RNF40: variants seen among roughly 807,000 people sequenced by gnomAD.
The protein encoded by RNF40 is E3 ubiquitin-protein ligase BRE1B.
In RNF40, 39 loss-of-function variants were observed where a neutral mutation model predicts 123.3. The ratio of observed to expected loss-of-function variants is 0.32; its 90% CI spans 0.24 to 0.41. RNF40 has a LOEUF of 0.41. Among genes scored for constraint, RNF40 ranks in the 10% least tolerant of loss-of-function variants. The pLI, the probability that RNF40 is intolerant of heterozygous loss-of-function variation, is 1.00. For synonymous variants in RNF40, 538 were observed against 526.0 expected (o/e 1.02, Z -0.31); for missense variants, 1,003 against 1,319.9 (o/e 0.76, Z 3.72).
At chr16:30,763,725 C>T (rs562536675) in intron 4 of RNF40, among the ~76,000 whole-genome samples, 166 bp downstream of exon 4, 1 of 152,360 alleles carries the variant, frequency 6.6e-6, no homozygotes, top group African/African-American at 2.4e-5. Context: ...AGGCTTTAGA[C>T]TCTGACTAAC....
At chr16:30,773,891 G>A (rs755015220) in intron 19 of RNF40, 47 bp from the exon 20 acceptor site, 3 of 1,573,796 alleles carry the variant, frequency 1.9e-6, no homozygotes, top group Admixed American at 3.5e-5. Context: ...CTTGGGGTCT[G>A]GGCACTGTCA....
At chr16:30,761,875 A>T, upstream of RNF40, 1 of 973,544 alleles carries the variant, frequency 1.0e-6, no homozygotes, top group South Asian at 1.8e-5. Flanking sequence ...CTACGCGCGG[A>T]GAGGCGCGGC....
chr16:30,773,095 G>A (rs1028440133), intron 19 of RNF40, among the ~76,000 whole-genome samples: 5 of 152,194 alleles, frequency 3.3e-5, no homozygotes, highest in African/African-American at 4.8e-5. Flanking sequence ...CTGAGAAGGT[G>A]CCTGTGGGAC....
At chr16:30,770,484 A>T (rs375615639) in intron 17 of RNF40, among the ~76,000 whole-genome samples, 1 of 152,150 alleles carries the variant, frequency 6.6e-6, no homozygotes, top group East Asian at 1.9e-4. Flanking sequence ...CTCAAGAGGG[A>T]GTGGCCCTAA....
intron 2 of RNF40, 128 bp from the exon 3 acceptor site, chr16:30,762,990 T>C (rs2053912306): frequency 9.5e-7 from 1 of 1,051,262 alleles, no homozygotes; most frequent in East Asian, 2.6e-5. Context: ...TTAGATTCTG[T>C]TAGCGGTTAG....
At position 30,766,950 on chromosome 16, in the gene RNF40, T is replaced by C; in HGVS notation, c.1429+74T>C. On this transcript the variant is annotated intron_variant, in intron 11 of 19. Coordinates refer to ENST00000324685, the MANE Select transcript of RNF40 (RefSeq NM_014771.4). The surrounding 1 kb of genome is among the most constrained non-coding windows in gnomAD (Gnocchi z 5.4). ...GGCCCTGGTGTGGGGCTGCTGCTTA[T>C]CCAGATGCAAGAGGCTAAGGCCTTT... The C allele has an allele frequency of 7.1e-6, 11 of 1,556,656 alleles. No individual in the cohort carries two copies. Among genetic ancestry groups the C allele is most frequent in the South Asian group, 1.2e-5 (1 of 84,666 alleles).
At position 30,762,682 on chromosome 16, in the gene RNF40, G is replaced by A; in HGVS notation, c.132+5G>A. The A allele has an allele frequency of 6.2e-7, 1 of 1,612,356 alleles. No homozygotes were observed. The highest frequency in any genetic ancestry group is 8.5e-7 in the Non-Finnish European group (1 of 1,179,620). On this transcript the variant is annotated splice_donor_5th_base_variant and intron_variant, in intron 2 of 19. Transcript: ENST00000324685. ...CTTGGAGGCATCTCTTCCACGGTTC[G>A]TGGGCTCTTGCCTTAACCCTCAGAA...
intron 7 of RNF40, 29 bp downstream of exon 7, chr16:30,765,356 G>A: frequency 6.2e-7 from 1 of 1,614,110 alleles, no homozygotes; most frequent in Non-Finnish European, 8.5e-7. Flanking sequence ...GGCAGGTGAG[G>A]CAAGGCTGGG....
intron 15 of RNF40, 28 bp downstream of exon 15, chr16:30,769,015 G>A (rs368101203): frequency 4.0e-5 from 64 of 1,613,198 alleles, no homozygotes; most frequent in Middle Eastern, 1.7e-4. Context: ...CCCTCGCGTC[G>A]GAGCGCAGGG....
In RNF40 at chr16:30,768,401, G is replaced by C. The variant is rs2054079684; in HGVS notation, c.1850G>C (p.Arg617Pro). Residue 617 changes from arginine (R) to proline (P), a missense_variant, in exon 13 of 20, where the codon CGG becomes CCG. Arg to Pro is a moderately radical substitution (Grantham distance 103). Coordinates refer to ENST00000324685, the MANE Select transcript of RNF40 (RefSeq NM_014771.4). The surrounding 1 kb of genome is among the most constrained non-coding windows in gnomAD (Gnocchi z 4.1). Reference sequence around the variant, plus strand: ...AGGCCCAAGCGGGAGCTTCGGGAACGGGAAGGTCCCAGCCTAGGACCTCCA... The same window carrying C: ...AGGCCCAAGCGGGAGCTTCGGGAACCGGAAGGTCCCAGCCTAGGACCTCCA... Reference protein sequence around the residue: ...EARPKRELREREGPSLGPPPV... With the variant: ...EARPKRELREPEGPSLGPPPV... 1 of 1,613,708 alleles carries C rather than the reference G, an allele frequency of 6.2e-7. No homozygotes were observed.
In RNF40 at chr16:30,766,533, A is replaced by G. The variant is rs1254250194; in HGVS notation, c.1268A>G (p.His423Arg). ...RGLLLATKNS[H>R]LRHIEHMESD... The stretch of plus-strand genomic sequence containing the variant: ...CTGCTGCTGGCCACAAAGAACTCCC[A>G]CCTGCGACACATCGAGCACATGGAG... The change falls in exon 10 of 20, where the codon CAC becomes CGC. Residue 423 changes from histidine (H) to arginine (R), a missense_variant. Physicochemically the swap from His to Arg is conservative, Grantham distance 29. Around this residue, in one of 11 missense-constraint regions of RNF40, gnomAD observed 274 missense variants for 356.9 expected, o/e 0.77. Coordinates refer to ENST00000324685, the MANE Select transcript of RNF40 (RefSeq NM_014771.4). This position sits in a 1 kb window ranked among gnomAD's most constrained non-coding sequence, Gnocchi z 5.4. The G allele has an allele frequency of 1.2e-6, 2 of 1,612,080 alleles. No homozygotes were observed. Among genetic ancestry groups the G allele is most frequent in the South Asian group, 1.1e-5 (1 of 90,864 alleles).
Position 30,763,100 on chromosome 16 carries a change from C to CT in RNF40, c.133-15dup, listed in dbSNP as rs144527881. 17 of 1,613,252 alleles carry CT rather than the reference C, an allele frequency of 1.1e-5. No homozygotes were observed. In the East Asian group the frequency reaches 3.6e-4, roughly 34 times the overall value. ...CCCTGCTTGACGCTCTCGTCGGCCC[C>CT]TTTGTTTCCTTTGGTAGGAGGAGAT... On this transcript the variant is annotated splice_polypyrimidine_tract_variant and intron_variant, in intron 2 of 19. Transcript: ENST00000324685.
In RNF40 at chr16:30,766,262, C is replaced by T. The variant is rs369472935; in HGVS notation, c.1093C>T (p.Arg365Trp). 6 of 1,613,944 alleles carry T rather than the reference C, an allele frequency of 3.7e-6. 1 individual carries two copies. Among genetic ancestry groups the T allele is most frequent in the South Asian group, 3.3e-5 (3 of 91,070 alleles). The change falls in exon 9 of 20, where the codon CGG (arginine) becomes TGG (tryptophan). Residue 365 changes from arginine to tryptophan, a missense_variant. Arg to Trp is a moderately radical substitution (Grantham distance 101). Transcript: ENST00000324685. The surrounding 1 kb of genome is among the most constrained non-coding windows in gnomAD (Gnocchi z 5.4). ...KLQAELQGAVRTNERLKVALR... is the reference protein window; with the variant it reads ...KLQAELQGAVWTNERLKVALR... Reference sequence around the variant, plus strand: ...GCAGGCCGAACTTCAGGGGGCTGTGCGGACCAATGAGCGCCTCAAGGTGGG... The same window carrying T: ...GCAGGCCGAACTTCAGGGGGCTGTGTGGACCAATGAGCGCCTCAAGGTGGG...
chr16:30,770,868 C>T (rs1226108698), intron 17 of RNF40, among the ~76,000 whole-genome samples: 1 of 152,092 alleles, frequency 6.6e-6, no homozygotes. Context: ...CCTGCCACCT[C>T]GCCCAGCTAA....
chr16:30,767,550 A>G (rs1183551412), intron 11 of RNF40: 5 of 211,956 alleles, frequency 2.4e-5, no homozygotes, highest in Non-Finnish European at 4.8e-5. Context: ...CATGTCTGTA[A>G]TCCCAGCACT....
rs1158969098 is a variant in RNF40, at chr16:30,774,273, G to A, written c.*159G>A. On this transcript the variant is annotated 3_prime_UTR_variant, in exon 20 of 20. Transcript: ENST00000324685. The stretch of plus-strand genomic sequence containing the variant: ...TTGGGGACCCTGGTGCATGCTAGTG[G>A]GCATGGGATCAGCCAAGCTTCGTTC... The A allele has an allele frequency of 2.9e-6, 2 of 684,252 alleles. No individual in the cohort carries two copies. Among genetic ancestry groups the A allele is most frequent in the Non-Finnish European group, 4.8e-6 (2 of 417,408 alleles). The allele number at this position is 684,252 out of a possible 1,614,324, so 42.4% of individuals were successfully genotyped here. A position where few individuals can be genotyped will look rare whatever the true frequency, so the allele number is the denominator to read the frequency against.
rs1477917398 is a variant in RNF40, at chr16:30,774,886, T to C, written c.*772T>C. On this transcript the variant is annotated 3_prime_UTR_variant, in exon 20 of 20. Transcript: ENST00000324685. Reference sequence around the variant, plus strand: ...ACTGGGTCCCTGGACCTAACCCTGCTTTCATCCTGGTGGCCTTAACTACAG... The same window carrying C: ...ACTGGGTCCCTGGACCTAACCCTGCCTTCATCCTGGTGGCCTTAACTACAG... 1 of 452,368 alleles carries C rather than the reference T, an allele frequency of 2.2e-6. No homozygotes were observed. The highest frequency in any genetic ancestry group is 4.5e-6 in the Non-Finnish European group (1 of 224,426). 28.0% of individuals were successfully genotyped at this position (452,368 alleles called of 1,614,324 possible).
At chr16:30,763,884 C>T (rs754610828) in intron 4 of RNF40, among the ~76,000 whole-genome samples, 5 of 152,160 alleles carry the variant, frequency 3.3e-5, no homozygotes, top group African/African-American at 9.7e-5. Context: ...GCAGAAAGTA[C>T]TGGGGCTCCT....
At chr16:30,763,794 T>C (rs1490804387) in intron 4 of RNF40, among the ~76,000 whole-genome samples, 2 of 152,222 alleles carry the variant, frequency 1.3e-5, no homozygotes, top group Non-Finnish European at 2.9e-5. Flanking sequence ...GTATTATGGT[T>C]GAGTATTAAA....
Sources: allele counts gnomAD v4.1 joint callset (sites outside exome capture counted in the v4.1 genomes callset), GRCh38; gene constraint gnomAD v4.1.1; regional missense constraint gnomAD v4.1.1; non-coding constraint Gnocchi (gnomAD v3.1); transcripts MANE v1.5; gene names NCBI Gene and HGNC (gene_info 2026-07-23, HGNC 2026-07-21).